Variants in KRT85 observed in about 807,000 individuals in gnomAD.
KRT85 encodes keratin, type II cuticular Hb5.
KRT85 carries 39 observed loss-of-function variants against 53.7 expected under a neutral mutation model. The ratio of observed to expected loss-of-function variants is 0.73; its 90% CI spans 0.56 to 0.95. The LOEUF is 0.95. Among genes scored for constraint, KRT85 ranks in the 40% least tolerant of loss-of-function variants. KRT85 has a pLI of 0.00. For missense variants in KRT85, 668 were observed against 686.0 expected (o/e 0.97, Z 0.29); for synonymous variants, 291 against 277.5 (o/e 1.05, Z -0.48).
At chr12:52,362,587 G>A (rs1939209003) in intron 6 of KRT85, 116 bp from the exon 7 acceptor site, 3 of 1,371,494 alleles carry the variant, frequency 2.2e-6, no homozygotes, top group Non-Finnish European at 3.0e-6. Context: ...TTGGCCCGTG[G>A]CCAGGTAGTT....
chr12:52,364,941 C>A (rs113922420), intron 2 of KRT85, 21 bp downstream of exon 2: 6 of 1,612,244 alleles, frequency 3.7e-6, no homozygotes, highest in Non-Finnish European at 5.1e-6. Flanking sequence ...CCCCTGAGTC[C>A]CCCCAGCTTG....
Position 52,364,158 on chromosome 12 carries a change from C to A in KRT85, c.696G>T (p.Val232=). The A allele has an allele frequency of 6.2e-7, 1 of 1,614,172 alleles. No individual in the cohort carries two copies. The highest frequency in any genetic ancestry group is 8.5e-7 in the Non-Finnish European group (1 of 1,180,012). Residue 232 remains valine, a synonymous_variant, in exon 4 of 9, where the codon GTG becomes GTT. Transcript: ENST00000257901. ...CTGATTTCCGCAGGTAGGCACAGTC[C>A]ACGTCCTGGCCGTGGGACAAAGAGG... ...ENEFVVLKKD[V]DCAYLRKSDL...
At position 52,360,643 on chromosome 12, in the gene KRT85, C is replaced by T. The variant is rs1033474885; in HGVS notation, c.*210G>A. 2 of 609,592 alleles carry T rather than the reference C, an allele frequency of 3.3e-6. No homozygotes were observed. Among genetic ancestry groups the T allele is most frequent in the African/African-American group, 3.7e-5 (2 of 54,104 alleles). The allele number at this position is 609,592 out of a possible 1,614,324, so 37.8% of individuals were successfully genotyped here. A position where few individuals can be genotyped will look rare whatever the true frequency, so the allele number is the denominator to read the frequency against. On this transcript the variant is annotated 3_prime_UTR_variant, in exon 9 of 9. Coordinates refer to ENST00000257901, the MANE Select transcript of KRT85 (RefSeq NM_002283.4). ...GAAGGGCTGGGAATGCCTCTGAAAA[C>T]AGCTGCCAGGAGGACAACTAGGATG...
chr12:52,363,502 G>T, intron 4 of KRT85, 92 bp from the exon 5 acceptor site: 2 of 1,409,154 alleles, frequency 1.4e-6, no homozygotes, highest in Non-Finnish European at 2.0e-6. Context: ...CCCAGACCGG[G>T]CACTGGTCAT....
rs575934446 is a variant in KRT85 at position 52,365,290 on chromosome 12, C to T, written c.421-120G>A. On this transcript the variant is annotated intron_variant, in intron 1 of 8. Transcript: ENST00000257901. Reference sequence around the variant, plus strand: ...GCTGAGCCATAAAGCTGAGTGTCTGCGGCTCAAGGGGCCCATTCCCAGGCC... The same window carrying T: ...GCTGAGCCATAAAGCTGAGTGTCTGTGGCTCAAGGGGCCCATTCCCAGGCC... The T allele has an allele frequency of 5.5e-5, 61 of 1,100,056 alleles. No individual in the cohort carries two copies. The South Asian group carries it at 6.1e-4, about 11-fold the overall frequency. 68.1% of individuals were successfully genotyped at this position (1,100,056 alleles called of 1,614,324 possible).
At chr12:52,366,098 G>A (rs966623721) in intron 1 of KRT85, among the ~76,000 whole-genome samples, 2 of 152,156 alleles carry the variant, frequency 1.3e-5, no homozygotes, top group Non-Finnish European at 2.9e-5. Context: ...AGCCTCCCCC[G>A]ACAAAACTTT....
chr12:52,364,198 T>A (rs200512838), intron 3 of KRT85, 35 bp from the exon 4 acceptor site: 1 of 1,613,090 alleles, frequency 6.2e-7, no homozygotes, highest in African/African-American at 1.3e-5. Flanking sequence ...GACATGCATG[T>A]GAGAGGAGAC....
Position 52,360,600 on chromosome 12 carries a change from G to A in KRT85, c.*253C>T, listed in dbSNP as rs1939174426. 1 of 569,268 alleles carries A rather than the reference G, an allele frequency of 1.8e-6. No homozygotes were observed. The highest frequency in any genetic ancestry group is 3.1e-6 in the Non-Finnish European group (1 of 317,614). The allele number at this position is 569,268 out of a possible 1,614,324, so 35.3% of individuals were successfully genotyped here. On this transcript the variant is annotated 3_prime_UTR_variant, in exon 9 of 9. Coordinates refer to ENST00000257901, the MANE Select transcript of KRT85 (RefSeq NM_002283.4). ...ACAAATTGGATACAGGTATTTTGGA[G>A]CTAAGTAGGAGTTAAGTGAAGGGCT...
chr12:52,362,189 A>G (rs1939200632), intron 7 of KRT85, 62 bp downstream of exon 7: 1 of 1,611,450 alleles, frequency 6.2e-7, no homozygotes, highest in South Asian at 1.1e-5. Context: ...GCTCAAGGAA[A>G]TTCACTCCTG....
At chr12:52,363,148 A>G (rs1311773348) in intron 5 of KRT85, 98 bp downstream of exon 5, 2 of 1,565,364 alleles carry the variant, frequency 1.3e-6, no homozygotes, top group African/African-American at 1.4e-5. Flanking sequence ...TACTGTCCTC[A>G]TGGGTCAGAA....
At chr12:52,366,731 TAC>T (rs751456389) in intron 1 of KRT85, among the ~76,000 whole-genome samples, 3 of 151,678 alleles carry the variant, frequency 2.0e-5, no homozygotes, top group African/African-American at 4.8e-5. Context: ...CACACACCGC[TAC>T]ACACACACAC....
In KRT85 at chr12:52,361,387, G is replaced by C. The variant is rs1939188692; in HGVS notation, c.1330+80C>G. The stretch of plus-strand genomic sequence containing the variant: ...TGAAACAGTTGGGGGAACACTCGAG[G>C]CTCCATGGGTTAGGCCAATGAGTTC... On this transcript the variant is annotated intron_variant, in intron 8 of 8. Coordinates refer to ENST00000257901, the MANE Select transcript of KRT85 (RefSeq NM_002283.4). 3 of 1,299,228 alleles carry C rather than the reference G, an allele frequency of 2.3e-6. No individual in the cohort carries two copies. The African/African-American group carries it at 4.4e-5, about 19-fold the overall frequency. The allele number at this position is 1,299,228 out of a possible 1,614,324, so 80.5% of individuals were successfully genotyped here.
Position 52,360,742 on chromosome 12 carries a change from G to T in KRT85, c.*111C>A. The T allele has an allele frequency of 8.0e-7, 1 of 1,257,360 alleles. No homozygotes were observed. Among genetic ancestry groups the T allele is most frequent in the South Asian group, 1.2e-5 (1 of 83,104 alleles). 77.9% of individuals were successfully genotyped at this position (1,257,360 alleles called of 1,614,324 possible). ...CCTCTGTAGGTCTTTCCCTCTGTAG[G>T]AACATCCAGAAGATTCTGGAAGCAA... On this transcript the variant is annotated 3_prime_UTR_variant, in exon 9 of 9. Transcript: ENST00000257901.
chr12:52,362,265 C>T lies in KRT85; in HGVS notation c.1284G>A (p.Glu428=), dbSNP rs1244540395. ...CTTAGCCCCACCTGTGTTCCTCGCC[C>T]TCCAGCAGGCGCCTGTAGGTGGCGA... ...IEIATYRRLL[E]GEEHRLCEGV... is the part of the protein sequence containing the mutation. Residue 428 remains glutamate, a synonymous_variant, in exon 7 of 9, where the codon GAG becomes GAA. Transcript: ENST00000257901. The T allele has an allele frequency of 1.2e-6, 2 of 1,613,956 alleles. No homozygotes were observed. Among genetic ancestry groups the T allele is most frequent in the Non-Finnish European group, 1.7e-6 (2 of 1,179,938 alleles).
intron 1 of KRT85, among the ~76,000 whole-genome samples, chr12:52,365,485 G>A (rs1480387911): frequency 6.6e-6 from 1 of 152,212 alleles, no homozygotes; most frequent in Non-Finnish European, 1.5e-5. Flanking sequence ...CTGTTGTGAA[G>A]CTTGAACAAG....
rs770440756 is a variant in KRT85 at position 52,367,279 on chromosome 12, ACAC to A, written c.124_126del (p.Val42del). 6.2e-7 allele frequency: 1 copy of A among 1,612,538 alleles called. No individual in the cohort carries two copies. Among genetic ancestry groups the A allele is most frequent in the East Asian group, 2.2e-5 (1 of 44,852 alleles). ...AAGCCCGTCAGCCCTCGGTAGCAGG[ACAC>A]CCCTCGGTAGGGGGCGGCGCTGATG... On this transcript the variant is annotated inframe_deletion, in exon 1 of 9. Transcript: ENST00000257901.
rs1178501830 is a variant in KRT85, at chr12:52,360,920, C to T, written c.1457G>A (p.Cys486Tyr). The T allele has an allele frequency of 2.5e-6, 4 of 1,612,424 alleles. No individual in the cohort carries two copies. The highest frequency in any genetic ancestry group is 3.4e-6 in the Non-Finnish European group (4 of 1,179,966). Reference protein sequence around the residue: ...GSITVVAPDSCAPCQPRSSSF... With the variant: ...GSITVVAPDSYAPCQPRSSSF... ...GGAGGAACGAGGCTGGCAGGGGGCA[C>T]AGGAGTCAGGGGCCACCACCGTGAT... The change falls in exon 9 of 9, where the codon TGT becomes TAT. Residue 486 changes from cysteine (C) to tyrosine (Y), a missense_variant. By Grantham distance (194) the Cys-to-Tyr change is radical. This residue lies in a region of KRT85 where 488 missense variants were observed against 498.1 expected (regional missense o/e 0.98). Coordinates refer to ENST00000257901, the MANE Select transcript of KRT85 (RefSeq NM_002283.4).
Position 52,364,305 on chromosome 12 carries a change from CCTT to C in KRT85, c.688_690del (p.Lys230del), listed in dbSNP as rs752244542. On this transcript the variant is annotated inframe_deletion and splice_region_variant, in exon 3 of 9. Transcript: ENST00000257901. ...TCCTTGCCCCATGACCAGCCCCTCA[CCTT>C]CTTTAGAACGACAAACTCATTCTCT... The C allele has an allele frequency of 2.5e-6, 4 of 1,614,206 alleles. No individual in the cohort carries two copies. Among genetic ancestry groups the C allele is most frequent in the Middle Eastern group, 3.3e-4 (2 of 6,062 alleles).
intron 5 of KRT85, 80 bp downstream of exon 5, chr12:52,363,166 G>T: frequency 6.3e-7 from 1 of 1,586,468 alleles, no homozygotes. Context: ...GAATCCCCAG[G>T]CAAGAGAAAT....
Sources: gnomAD v4.1 joint callset for allele counts (sites outside exome capture counted in the v4.1 genomes callset) on GRCh38, gnomAD v4.1.1 for gene constraint, gnomAD v4.1.1 regional missense constraint, MANE v1.5 for transcripts, NCBI Gene and HGNC (gene_info 2026-07-23, HGNC 2026-07-21) for gene names.